INPP5A: variants seen among roughly 807,000 people sequenced by gnomAD.
INPP5A encodes inositol polyphosphate-5-phosphatase A.
INPP5A carries 14 observed loss-of-function variants against 65.2 expected under a neutral mutation model. That is an observed-to-expected ratio of 0.21 (90% CI 0.14 to 0.34). The LOEUF (loss-of-function observed/expected upper bound fraction) is 0.34. Ranked by LOEUF, INPP5A falls within the 10% of genes least tolerant of loss-of-function variation. The pLI is 1.00. For synonymous variants in INPP5A, 207 were observed against 208.3 expected (o/e 0.99, Z 0.05); for missense variants, 431 against 545.6 (o/e 0.79, Z 2.09).
At chr10:132,564,481 C>T (rs755329118) in intron 1 of INPP5A, among the ~76,000 whole-genome samples, 21 of 152,094 alleles carry the variant, frequency 1.4e-4, no homozygotes, top group Non-Finnish European at 2.6e-4. Flanking sequence ...CTGGGCTGTG[C>T]GGCCCCTCCT....
At chr10:132,648,768 A>G (rs935240003) in intron 3 of INPP5A, among the ~76,000 whole-genome samples, 4 of 152,124 alleles carry the variant, frequency 2.6e-5, no homozygotes, top group African/African-American at 9.7e-5. Flanking sequence ...TTTCTTGTAT[A>G]TAATGTGCCC....
intron 6 of INPP5A, among the ~76,000 whole-genome samples, chr10:132,700,003 C>T (rs1162901654): frequency 6.6e-6 from 1 of 152,176 alleles, no homozygotes; most frequent in African/African-American, 2.4e-5. Context: ...TGCCAGTACT[C>T]TGAGGCCTCT....
At chr10:132,744,735 G>A (rs983697144) in intron 9 of INPP5A, among the ~76,000 whole-genome samples, 3 of 152,152 alleles carry the variant, frequency 2.0e-5, no homozygotes, top group African/African-American at 7.2e-5. Context: ...TGAGACAGAG[G>A]ACACGGCTCT....
Position 132,676,436 on chromosome 10 carries a change from A to G in INPP5A, c.307-13956A>G, listed in dbSNP as rs1370497018. ...TCCCTCCACTCCGGGTGAAAGAGGC[A>G]TGGGGAATTTACTTGCTTTTCCTTT... On this transcript the variant is annotated intron_variant, in intron 4 of 15. Transcript: ENST00000368594. The surrounding 1 kb of genome is among the most constrained non-coding windows in gnomAD (Gnocchi z 4.0). 6.6e-6 allele frequency among the ~76,000 whole-genome samples: 1 copy of G among 152,182 alleles called. No homozygotes were observed. Among genetic ancestry groups the G allele is most frequent in the African/African-American group, 2.4e-5 (1 of 41,460 alleles).
chr10:132,631,641 T>C (rs1257898027), intron 2 of INPP5A, among the ~76,000 whole-genome samples: 2 of 152,348 alleles, frequency 1.3e-5, no homozygotes, highest in Non-Finnish European at 2.9e-5. Flanking sequence ...GCCGTGCCGA[T>C]GGACGTGGCC....
At chr10:132,758,054 G>C (rs1469185251) in intron 11 of INPP5A, among the ~76,000 whole-genome samples, 4 of 139,894 alleles carry the variant, frequency 2.9e-5, no homozygotes, top group Non-Finnish European at 6.2e-5. Flanking sequence ...TGACCCCACA[G>C]GCCAGTGTGA....
chr10:132,641,356 G>A (rs1225156771), intron 2 of INPP5A, among the ~76,000 whole-genome samples: 4 of 152,168 alleles, frequency 2.6e-5, no homozygotes, highest in African/African-American at 9.7e-5. Context: ...TTGTTGTGCC[G>A]ATCCATTCTA....
chr10:132,548,692 C>G (rs2071010807), intron 1 of INPP5A, among the ~76,000 whole-genome samples: 1 of 152,044 alleles, frequency 6.6e-6, no homozygotes, highest in Admixed American at 6.5e-5. Context: ...TCGTGAACCA[C>G]AGGCTGTGTT....
At chr10:132,604,034 G>A (rs1321107911) in intron 1 of INPP5A, among the ~76,000 whole-genome samples, 3 of 147,974 alleles carry the variant, frequency 2.0e-5, no homozygotes, top group Non-Finnish European at 4.5e-5. Context: ...CCCGCCCTGT[G>A]CCGTCAGGGT....
At chr10:132,714,569 C>T (rs961574702) in intron 8 of INPP5A, among the ~76,000 whole-genome samples, 3 of 152,110 alleles carry the variant, frequency 2.0e-5, no homozygotes, top group African/African-American at 4.8e-5. Context: ...GTCCATGTCC[C>T]GTATCAGCTG....
chr10:132,744,886 G>A (rs1444890445), intron 9 of INPP5A, among the ~76,000 whole-genome samples: 7 of 152,170 alleles, frequency 4.6e-5, no homozygotes, highest in African/African-American at 7.2e-5. Context: ...TTGTGCAGCC[G>A]CCATGTTAGA....
intron 1 of INPP5A, among the ~76,000 whole-genome samples, chr10:132,580,362 C>CT (rs1564923192): frequency 6.6e-6 from 1 of 152,180 alleles, no homozygotes; most frequent in Non-Finnish European, 1.5e-5. Context: ...CTTTCACACT[C>CT]TATCTCCTGC....
intron 3 of INPP5A, among the ~76,000 whole-genome samples, chr10:132,649,393 C>G (rs898344473): frequency 6.6e-6 from 1 of 152,244 alleles, no homozygotes; most frequent in African/African-American, 2.4e-5. Flanking sequence ...GGGACACATT[C>G]ACGTGGTGTT....
intron 8 of INPP5A, among the ~76,000 whole-genome samples, chr10:132,723,024 G>T (rs548305167): frequency 6.6e-6 from 1 of 152,194 alleles, no homozygotes; most frequent in African/African-American, 2.4e-5. Context: ...TCTTGCGGCC[G>T]CCGTGCACCC....
Position 132,762,586 on chromosome 10 carries a change from A to G in INPP5A, c.904-3187A>G, listed in dbSNP as rs530946943. On this transcript the variant is annotated intron_variant, in intron 11 of 15. Transcript: ENST00000368594. This position sits in a 1 kb window ranked among gnomAD's most constrained non-coding sequence, Gnocchi z 4.6. ...AGCCCCACCAGCAGGTCCCACAGAGAACCAGGAGTAGCTGAGCTTCTGGAG... is the reference window on the plus strand; with the variant it reads ...AGCCCCACCAGCAGGTCCCACAGAGGACCAGGAGTAGCTGAGCTTCTGGAG... Among the ~76,000 whole-genome samples, 8 of 152,344 alleles carry G rather than the reference A, an allele frequency of 5.3e-5. No homozygotes were observed. The East Asian group carries it at 1.5e-3, about 29-fold the overall frequency.
At chr10:132,577,933 G>T (rs1234165262) in intron 1 of INPP5A, among the ~76,000 whole-genome samples, 3 of 152,196 alleles carry the variant, frequency 2.0e-5, no homozygotes, top group African/African-American at 4.8e-5. Flanking sequence ...GCCATTTGGG[G>T]GTGCTCCATG....
Position 132,587,310 on chromosome 10 carries a change from G to C in INPP5A, c.76-20605G>C, listed in dbSNP as rs535939581. 6.6e-6 allele frequency among the ~76,000 whole-genome samples: 1 copy of C among 152,250 alleles called. No individual in the cohort carries two copies. Among genetic ancestry groups the C allele is most frequent in the African/African-American group, 2.4e-5 (1 of 41,558 alleles). The stretch of plus-strand genomic sequence containing the variant: ...GGCCGTGTCTGGGCAGGAGGGGCTG[G>C]TACATCCTCACAGGGGTGGCAGGGG... On this transcript the variant is annotated intron_variant, in intron 1 of 15. Transcript: ENST00000368594. This position sits in a 1 kb window ranked among gnomAD's most constrained non-coding sequence, Gnocchi z 4.3.
Position 132,782,018 on chromosome 10 carries a change from A to G in INPP5A, c.*8-19A>G. 1 of 1,609,516 alleles carries G rather than the reference A, an allele frequency of 6.2e-7. No individual in the cohort carries two copies. Among genetic ancestry groups the G allele is most frequent in the Non-Finnish European group, 8.5e-7 (1 of 1,177,630 alleles). On this transcript the variant is annotated intron_variant, in intron 15 of 15. Coordinates refer to ENST00000368594, the MANE Select transcript of INPP5A (RefSeq NM_005539.5). This position sits in a 1 kb window ranked among gnomAD's most constrained non-coding sequence, Gnocchi z 4.4. ...CCTGGTGCGTTTGTTCCTTTAACAA[A>G]TTACGAATTCCGTGACAGGGAAGAG...
At chr10:132,728,159 TG>T (rs1236264700) in intron 9 of INPP5A, among the ~76,000 whole-genome samples, 1 of 152,210 alleles carries the variant, frequency 6.6e-6, no homozygotes, top group Non-Finnish European at 1.5e-5. Flanking sequence ...AAACGTTCAG[TG>T]GCTCCTGGTC....
Sources: allele counts gnomAD v4.1 joint callset (sites outside exome capture counted in the v4.1 genomes callset), GRCh38; gene constraint gnomAD v4.1.1; non-coding constraint Gnocchi (gnomAD v3.1); transcripts MANE v1.5; gene names NCBI Gene and HGNC (gene_info 2026-07-23, HGNC 2026-07-21).